DYNC1H1: variants seen among roughly 807,000 people sequenced by gnomAD.
DYNC1H1 encodes the protein dynein cytoplasmic 1 heavy chain 1.
Under a neutral mutation model 527.1 loss-of-function variants are expected in DYNC1H1, and 51 were observed. The observed-to-expected ratio is 0.10, with a 90% CI of 0.08 to 0.12. DYNC1H1 has a LOEUF of 0.12. DYNC1H1 is among the 10% of genes least tolerant of loss of function. DYNC1H1 has a pLI of 1.00. For missense variants in DYNC1H1, 2,771 were observed against 5,971.8 expected (o/e 0.46, Z 17.66); for synonymous variants, 2,189 against 2,278.8 (o/e 0.96, Z 1.12).
rs1017365595 is a variant in DYNC1H1 at position 102,017,693 on chromosome 14, G to A, written c.8177+189G>A. On this transcript the variant is annotated intron_variant, in intron 40 of 77. Coordinates refer to ENST00000360184, the MANE Select transcript of DYNC1H1 (RefSeq NM_001376.5). The surrounding 1 kb of genome is among the most constrained non-coding windows in gnomAD (Gnocchi z 4.6). ...TTAAAAATAAAAGCATTGGCCGGGCGCAGTGGCTTACGCCTATAATCCCAG... is the reference window on the plus strand; with the variant it reads ...TTAAAAATAAAAGCATTGGCCGGGCACAGTGGCTTACGCCTATAATCCCAG... 53 of 1,154,730 alleles carry A rather than the reference G, an allele frequency of 4.6e-5. No individual in the cohort carries two copies. The highest frequency in any genetic ancestry group is 5.6e-4 in the Middle Eastern group (2 of 3,566). The allele number at this position is 1,154,730 out of a possible 1,614,324, so 71.5% of individuals were successfully genotyped here.
At chr14:101,976,466 C>G (rs983041312) in intron 2 of DYNC1H1, among the ~76,000 whole-genome samples, 1 of 151,072 alleles carries the variant, frequency 6.6e-6, no homozygotes, top group African/African-American at 2.4e-5. Flanking sequence ...AGCTTGAACC[C>G]GGGAGGCAGA....
chr14:102,002,416 T>C lies in DYNC1H1; in HGVS notation c.4543-121T>C, dbSNP rs940901570. On this transcript the variant is annotated intron_variant, in intron 21 of 77. Transcript: ENST00000360184. This position sits in a 1 kb window ranked among gnomAD's most constrained non-coding sequence, Gnocchi z 4.4. ...GTGAGCCACCACACCCGTCTACTTG[T>C]TGTTTAAAATGTGAATCAGATTACT... is the stretch of plus-strand genomic sequence containing the variant. The C allele has an allele frequency of 2.2e-6, 3 of 1,367,572 alleles. No individual in the cohort carries two copies. The highest frequency in any genetic ancestry group is 2.1e-6 in the Non-Finnish European group (2 of 965,702). 84.7% of individuals were successfully genotyped at this position (1,367,572 alleles called of 1,614,324 possible).
rs1363679002 is a variant in DYNC1H1, at chr14:101,991,601, G to A, written c.2943G>A (p.Lys981=). ...CACCAATTGAAGAGTGCAGATACAA[G>A]CTGTATCAGGAAATGTTTGCCTGGA... The part of the protein sequence containing the change: ...LNPPIEECRY[K]LYQEMFAWKM... Residue 981 remains lysine (K), a synonymous_variant, in exon 11 of 78, where the codon AAG becomes AAA. Transcript: ENST00000360184. The A allele has an allele frequency of 1.2e-6, 2 of 1,614,182 alleles. No homozygotes were observed.
rs2047839955 is a variant in DYNC1H1 at position 101,979,567 on chromosome 14, G to C, written c.518+75G>C. On this transcript the variant is annotated intron_variant, in intron 3 of 77. Transcript: ENST00000360184. This position sits in a 1 kb window ranked among gnomAD's most constrained non-coding sequence, Gnocchi z 4.6. ...GTATAGAACTCGGTGTAAAACTTGGGAATTGGGAGGGTAACGCTAGTGAGC... is the reference window on the plus strand; with the variant it reads ...GTATAGAACTCGGTGTAAAACTTGGCAATTGGGAGGGTAACGCTAGTGAGC... The C allele has an allele frequency of 3.7e-6, 6 of 1,608,460 alleles. No homozygotes were observed. The highest frequency in any genetic ancestry group is 5.1e-6 in the Non-Finnish European group (6 of 1,176,626).
chr14:102,047,737 CGTT>C, intron 72 of DYNC1H1, 77 bp from the exon 73 acceptor site: 1 of 1,578,278 alleles, frequency 6.3e-7, no homozygotes, highest in Non-Finnish European at 8.6e-7. Context: ...GTGGCCTTTA[CGTT>C]CAAGTCCCTT....
Position 102,050,613 on chromosome 14 carries a change from T to A in DYNC1H1, c.*50T>A, listed in dbSNP as rs746366475. ...AATAGTGAAAGTTGGTATTTAACAT[T>A]TATTCATTTTTAAAATATTTGGAAG... On this transcript the variant is annotated 3_prime_UTR_variant, in exon 78 of 78. Coordinates refer to ENST00000360184, the MANE Select transcript of DYNC1H1 (RefSeq NM_001376.5). The A allele has an allele frequency of 1.9e-6, 3 of 1,613,704 alleles. No homozygotes were observed. Among genetic ancestry groups the A allele is most frequent in the Non-Finnish European group, 2.5e-6 (3 of 1,179,694 alleles).
At chr14:102,023,276 C>T (rs1188531148) in intron 43 of DYNC1H1, 2 of 341,240 alleles carry the variant, frequency 5.9e-6, no homozygotes, top group East Asian at 7.7e-5. Flanking sequence ...ATCAGCCGGG[C>T]GCGGTGGCTC....
chr14:101,984,450 A>ATATTTTT (rs2047908706), intron 7 of DYNC1H1, among the ~76,000 whole-genome samples: 1 of 69,968 alleles, frequency 1.4e-5, no homozygotes, highest in Non-Finnish European at 2.6e-5. Flanking sequence ...TATATATTAT[A>ATATTTTT]TTTTTTTTTT....
intron 11 of DYNC1H1, 150 bp from the exon 12 acceptor site, chr14:101,994,034 A>T: frequency 9.7e-7 from 1 of 1,029,440 alleles, no homozygotes; most frequent in Non-Finnish European, 1.5e-6. Context: ...CTTTCTGGTT[A>T]CTTGTGGCCA....
Position 102,019,898 on chromosome 14 carries a change from A to G in DYNC1H1, c.8349A>G (p.Arg2783=). 1.2e-6 allele frequency: 2 copies of G among 1,614,124 alleles called. No individual in the cohort carries two copies. Among genetic ancestry groups the G allele is most frequent in the Non-Finnish European group, 1.7e-6 (2 of 1,180,028 alleles). The change falls in exon 42 of 78, where the codon AGA becomes AGG. Residue 2783 remains arginine (R), a synonymous_variant. Coordinates refer to ENST00000360184, the MANE Select transcript of DYNC1H1 (RefSeq NM_001376.5). ...CATTTTTCTCATTGCCATAGGAGAGATTCACCCAGGATACACAACCTCACT... is the reference window on the plus strand; with the variant it reads ...CATTTTTCTCATTGCCATAGGAGAGGTTCACCCAGGATACACAACCTCACT... ...MVEFYTMSQE[R]FTQDTQPHYI...
At chr14:102,048,131 G>A (rs1487355822) in intron 73 of DYNC1H1, 103 bp downstream of exon 73, 4 of 1,416,042 alleles carry the variant, frequency 2.8e-6, no homozygotes, top group Non-Finnish European at 1.9e-6. Context: ...GTGCCGGACG[G>A]AACGTACTCA....
chr14:102,024,069 T>A (rs534440566), intron 43 of DYNC1H1, among the ~76,000 whole-genome samples: 2 of 152,326 alleles, frequency 1.3e-5, no homozygotes, highest in South Asian at 4.1e-4. Flanking sequence ...GACTTCTGTG[T>A]GAGGGTCGAG....
chr14:102,041,952 C>G lies in DYNC1H1; in HGVS notation c.12103-61C>G, dbSNP rs1164129501. ...GGCCCCTCACTCGGGGCTCTCCTTT[C>G]CCTTGACAGGTACACACTATTTGCT... On this transcript the variant is annotated intron_variant, in intron 65 of 77. Transcript: ENST00000360184. This position sits in a 1 kb window ranked among gnomAD's most constrained non-coding sequence, Gnocchi z 4.5. 7 of 1,584,930 alleles carry G rather than the reference C, an allele frequency of 4.4e-6. No homozygotes were observed. Among genetic ancestry groups the G allele is most frequent in the Non-Finnish European group, 6.1e-6 (7 of 1,155,404 alleles).
rs2048338842 is a variant in DYNC1H1 at position 102,017,649 on chromosome 14, G to A, written c.8177+145G>A. On this transcript the variant is annotated intron_variant, in intron 40 of 77. Transcript: ENST00000360184. This position sits in a 1 kb window ranked among gnomAD's most constrained non-coding sequence, Gnocchi z 4.6. Reference sequence around the variant, plus strand: ...TCCTCTTGGGTTACTTCTCTGTGCTGTAATGCCAGGAAAACATGTTAAAAA... The same window carrying A: ...TCCTCTTGGGTTACTTCTCTGTGCTATAATGCCAGGAAAACATGTTAAAAA... The A allele has an allele frequency of 7.1e-7, 1 of 1,416,864 alleles. No individual in the cohort carries two copies. The highest frequency in any genetic ancestry group is 1.2e-5 in the South Asian group (1 of 83,684). The allele number at this position is 1,416,864 out of a possible 1,614,324, so 87.8% of individuals were successfully genotyped here.
rs749357815 is a variant in DYNC1H1 at position 101,983,310 on chromosome 14, ACAAC to A, written c.1233+26_1233+29del. 3.8e-5 allele frequency: 62 copies of A among 1,614,126 alleles called. No individual in the cohort carries two copies. Among genetic ancestry groups the A allele is most frequent in the Non-Finnish European group, 4.9e-5 (58 of 1,180,048 alleles). ...GAAAAAGTAAGTTTGAATATATAAG[ACAAC>A]CAACCTCAAGACATTGAGATGAAAA... On this transcript the variant is annotated intron_variant, in intron 6 of 77. Coordinates refer to ENST00000360184, the MANE Select transcript of DYNC1H1 (RefSeq NM_001376.5). The surrounding 1 kb of genome is among the most constrained non-coding windows in gnomAD (Gnocchi z 5.3).
At chr14:102,004,720 C>T (rs2048177172) in intron 24 of DYNC1H1, 37 bp downstream of exon 24, 2 of 1,614,154 alleles carry the variant, frequency 1.2e-6, no homozygotes, top group East Asian at 4.5e-5. Flanking sequence ...ACTTCTCTCA[C>T]ATTTTTGCAT....
intron 69 of DYNC1H1, chr14:102,043,598 A>G (rs571785428): frequency 1.2e-5 from 6 of 487,716 alleles, no homozygotes; most frequent in Admixed American, 9.8e-5. Flanking sequence ...ATTCTGTTCT[A>G]TTTTGTGCCA....
In DYNC1H1 at chr14:102,016,814, A is replaced by T; in HGVS notation, c.7663A>T (p.Ile2555Phe). Residue 2555 changes from isoleucine to phenylalanine, a missense_variant, in exon 38 of 78, where the codon ATT (isoleucine) becomes TTT (phenylalanine). Transcript: ENST00000360184. This position sits in a 1 kb window ranked among gnomAD's most constrained non-coding sequence, Gnocchi z 7.3. Reference protein sequence around the residue: ...WSPWQAKVPQIEVETHKVAAP... With the variant: ...WSPWQAKVPQFEVETHKVAAP... Reference sequence around the variant, plus strand: ...TCCGTGGCAGGCCAAGGTGCCTCAGATTGAAGTGGAGACGCACAAGGTGGC... The same window carrying T: ...TCCGTGGCAGGCCAAGGTGCCTCAGTTTGAAGTGGAGACGCACAAGGTGGC... 1 of 1,613,976 alleles carries T rather than the reference A, an allele frequency of 6.2e-7. No individual in the cohort carries two copies. The highest frequency in any genetic ancestry group is 2.2e-5 in the East Asian group (1 of 44,884).
intron 56 of DYNC1H1, 128 bp downstream of exon 56, chr14:102,034,580 T>C: frequency 6.7e-7 from 1 of 1,481,660 alleles, no homozygotes; most frequent in South Asian, 1.1e-5. Context: ...TGCTGGCAGC[T>C]TGGTGCTCCT....
Sources: allele counts gnomAD v4.1 joint callset (sites outside exome capture counted in the v4.1 genomes callset), GRCh38; gene constraint gnomAD v4.1.1; non-coding constraint Gnocchi (gnomAD v3.1); transcripts MANE v1.5; gene names NCBI Gene and HGNC (gene_info 2026-07-23, HGNC 2026-07-21).